The following CDH6 variants were observed in gnomAD, a reference collection of about 807,000 sequenced individuals.
CDH6 encodes cadherin-6.
A neutral mutation model predicts 78.0 loss-of-function variants in CDH6; 31 were observed. The ratio of observed to expected loss-of-function variants is 0.40; its 90% CI spans 0.30 to 0.54. CDH6 has a LOEUF of 0.54. Among genes scored for constraint, CDH6 ranks in the 20% least tolerant of loss-of-function variants. The pLI, the probability that CDH6 is intolerant of heterozygous loss-of-function variation, is 0.56. For missense variants in CDH6, 724 were observed against 975.9 expected, an observed-to-expected ratio of 0.74 and a Z score of 3.44; for synonymous variants, 376 against 368.8, an observed-to-expected ratio of 1.02 and a Z score of -0.23.
At chr5:31,253,818 A>G (rs1741977215) in intron 1 of CDH6, among the ~76,000 whole-genome samples, 1 of 151,920 alleles carries the variant, frequency 6.6e-6, no homozygotes, top group Non-Finnish European at 1.5e-5. Context: ...AACAGGACTG[A>G]TACAGGGTTT....
intron 6 of CDH6, among the ~76,000 whole-genome samples, chr5:31,302,857 A>G (rs1323569752): frequency 1.4e-5 from 2 of 148,060 alleles, no homozygotes; most frequent in African/African-American, 5.1e-5. Flanking sequence ...AGAAAGAGAA[A>G]GAAAGGAAGA....
intron 11 of CDH6, among the ~76,000 whole-genome samples, chr5:31,320,355 C>T (rs1464641981): frequency 3.3e-5 from 5 of 152,256 alleles, no homozygotes; most frequent in Non-Finnish European, 5.9e-5. Flanking sequence ...GACAGTTGCG[C>T]TTTCAGACGT....
chr5:31,318,207 A>G, intron 11 of CDH6: 2 of 592,250 alleles, frequency 3.4e-6, no homozygotes, highest in South Asian at 4.2e-5. Context: ...ATTTCAGGGC[A>G]ACATAAATGT....
At chr5:31,264,630 C>G (rs1447294280) in intron 1 of CDH6, among the ~76,000 whole-genome samples, 1 of 152,126 alleles carries the variant, frequency 6.6e-6, no homozygotes, top group Admixed American at 6.5e-5. Flanking sequence ...TAGAATTTCA[C>G]AGAGAAATCT....
chr5:31,265,492 C>G (rs1742315884), intron 1 of CDH6, among the ~76,000 whole-genome samples: 1 of 152,154 alleles, frequency 6.6e-6, no homozygotes, highest in Non-Finnish European at 1.5e-5. Flanking sequence ...CAATAGAAGG[C>G]TTTGACTAAG....
At chr5:31,317,342 A>T (rs368568148) in intron 9 of CDH6, 33 bp from the exon 10 acceptor site, 1 of 1,064,622 alleles carries the variant, frequency 9.4e-7, no homozygotes, top group African/African-American at 1.6e-5. Context: ...GAGTTATCAA[A>T]ATTTTATGGC....
At chr5:31,202,712 C>A (rs1003095221) in intron 1 of CDH6, among the ~76,000 whole-genome samples, 1 of 150,032 alleles carries the variant, frequency 6.7e-6, no homozygotes, top group Non-Finnish European at 1.5e-5. Flanking sequence ...TACATACATG[C>A]GTATATATGT....
intron 7 of CDH6, among the ~76,000 whole-genome samples, chr5:31,308,398 C>T (rs1409627169): frequency 6.9e-6 from 1 of 144,164 alleles, no homozygotes; most frequent in Non-Finnish European, 1.5e-5. Context: ...CATTAGAAGG[C>T]AAATTATTTA....
intron 2 of CDH6, among the ~76,000 whole-genome samples, chr5:31,291,413 A>G (rs1028312655): frequency 1.3e-5 from 2 of 152,208 alleles, no homozygotes; most frequent in African/African-American, 4.8e-5. Context: ...CTTTTGTTGC[A>G]TGTTTACATG....
chr5:31,252,961 T>G (rs184529276), intron 1 of CDH6, among the ~76,000 whole-genome samples: 66 of 152,372 alleles, frequency 4.3e-4, no homozygotes, highest in Non-Finnish European at 9.1e-4. Context: ...GTACTTTATA[T>G]GTTAGTCTGC....
At chr5:31,240,094 G>A (rs1268952386) in intron 1 of CDH6, among the ~76,000 whole-genome samples, 1 of 152,144 alleles carries the variant, frequency 6.6e-6, no homozygotes, top group Non-Finnish European at 1.5e-5. Flanking sequence ...TAAAAAGAGA[G>A]TCCCAGGCCT....
At chr5:31,271,198 GAC>G (rs1229679080) in intron 2 of CDH6, among the ~76,000 whole-genome samples, 1 of 152,118 alleles carries the variant, frequency 6.6e-6, no homozygotes, top group Non-Finnish European at 1.5e-5. Flanking sequence ...AAATTATGAT[GAC>G]ACAAATTAAT....
In CDH6 at chr5:31,322,808, C is replaced by T. The variant is rs975039426; in HGVS notation, c.1883-10C>T. The T allele has an allele frequency of 2.5e-6, 4 of 1,597,882 alleles. No individual in the cohort carries two copies. The highest frequency in any genetic ancestry group is 3.4e-6 in the Non-Finnish European group (4 of 1,170,562). ...TTTCCTTCCCTTTCTGTTTTGTTTT[C>T]TGCTTCCAGTGACAGTGGTGCTGTT... On this transcript the variant is annotated splice_polypyrimidine_tract_variant and intron_variant, in intron 11 of 11. Transcript: ENST00000265071.
At chr5:31,320,255 A>G (rs1738443996) in intron 11 of CDH6, among the ~76,000 whole-genome samples, 1 of 152,238 alleles carries the variant, frequency 6.6e-6, no homozygotes, top group Admixed American at 6.5e-5. Flanking sequence ...GCATTGGGCT[A>G]ATGAGAAAAG....
chr5:31,224,424 A>G lies in CDH6; in HGVS notation c.-129+30538A>G, dbSNP rs148221764. On this transcript the variant is annotated intron_variant, in intron 1 of 11. Coordinates refer to ENST00000265071, the MANE Select transcript of CDH6 (RefSeq NM_004932.4). ...ACCCTGTAAGACATGGATGATTTTT[A>G]TCCCCATTTCACAAATGACAGAACT... Among the ~76,000 whole-genome samples, 543 of 152,342 alleles carry G rather than the reference A, an allele frequency of 3.6e-3. 5 individuals are homozygous for G. Among genetic ancestry groups the G allele is most frequent in the African/African-American group, 0.013 (523 of 41,588 alleles).
At position 31,323,672 on chromosome 5, in the gene CDH6, G is replaced by A. The variant is rs963030995; in HGVS notation, c.*364G>A. The A allele has an allele frequency of 3.5e-6, 1 of 282,588 alleles. No homozygotes were observed. The highest frequency in any genetic ancestry group is 6.8e-6 in the Non-Finnish European group (1 of 147,040). 17.5% of individuals were successfully genotyped at this position (282,588 alleles called of 1,614,324 possible). ...AACTGCCCTAACTGTACATTTCACA[G>A]GCTAATGGGATAAAGGACTGTGCTT... On this transcript the variant is annotated 3_prime_UTR_variant, in exon 12 of 12. Coordinates refer to ENST00000265071, the MANE Select transcript of CDH6 (RefSeq NM_004932.4).
Position 31,294,189 on chromosome 5 carries a change from C to T in CDH6, c.456C>T (p.Ile152=). ...ESEFIIKIHD[I]NDNEPIFTKE... Reference sequence around the variant, plus strand: ...AATTCATCATCAAGATCCATGACATCAATGACAATGAACCAATATTCACCA... The same window carrying T: ...AATTCATCATCAAGATCCATGACATTAATGACAATGAACCAATATTCACCA... The change falls in exon 3 of 12, where the codon ATC becomes ATT. Residue 152 remains isoleucine, a synonymous_variant. Transcript: ENST00000265071. The surrounding 1 kb of genome is among the most constrained non-coding windows in gnomAD (Gnocchi z 4.1). 1 of 1,613,888 alleles carries T rather than the reference C, an allele frequency of 6.2e-7. No individual in the cohort carries two copies. Among genetic ancestry groups the T allele is most frequent in the Non-Finnish European group, 8.5e-7 (1 of 1,179,842 alleles).
intron 2 of CDH6, 23 bp from the exon 3 acceptor site, chr5:31,293,939 T>C: frequency 2.6e-6 from 4 of 1,514,556 alleles, no homozygotes; most frequent in Non-Finnish European, 3.6e-6. Context: ...TTTACTTTCT[T>C]TAATTTTTTT....
At chr5:31,261,582 A>C (rs1275645592) in intron 1 of CDH6, among the ~76,000 whole-genome samples, 3 of 152,204 alleles carry the variant, frequency 2.0e-5, no homozygotes, top group African/African-American at 4.8e-5. Flanking sequence ...AACTGGTTAA[A>C]GTATATTAAT....
Sources: allele counts gnomAD v4.1 joint callset (sites outside exome capture counted in the v4.1 genomes callset), GRCh38; gene constraint gnomAD v4.1.1; non-coding constraint Gnocchi (gnomAD v3.1); transcripts MANE v1.5; gene names NCBI Gene and HGNC (gene_info 2026-07-23, HGNC 2026-07-21).